The following GEMIN2 variants were observed in gnomAD, a reference collection of about 807,000 sequenced individuals.
The protein encoded by GEMIN2 is gem nuclear organelle associated protein 2.
GEMIN2 carries 37 observed loss-of-function variants against 45.8 expected under a neutral mutation model. That is an observed-to-expected ratio of 0.81 (90% confidence interval 0.62 to 1.06). The LOEUF is 1.06. Ranked by LOEUF, GEMIN2 falls within the 50% of genes least tolerant of loss-of-function variation. The probability of loss-of-function intolerance (pLI) is 0.00; values close to 1 mark genes in which losing one functional copy is unlikely to be tolerated. For missense variants in GEMIN2, 335 were observed against 321.8 expected, an observed-to-expected ratio of 1.04 and a Z score of -0.31; for synonymous variants, 101 against 111.5, an observed-to-expected ratio of 0.91 and a Z score of 0.60.
In GEMIN2 at chr14:39,129,977, G is replaced by C. The variant is rs190851387; in HGVS notation, c.600+1629G>C. 3.0e-3 allele frequency among the ~76,000 whole-genome samples: 337 copies of C among 112,316 alleles called. 6 individuals are homozygous for C. The highest frequency in any genetic ancestry group is 0.022 in the Admixed American group (162 of 7,300). The allele number at this position is 112,316 out of a possible 152,430, so 73.7% of individuals were successfully genotyped here. On this transcript the variant is annotated intron_variant, in intron 7 of 9. Transcript: ENST00000308317. ...TTTTTTTGAGATGGAGTCTCACTCT[G>C]TCACCCAGGCTGCAGTGCAGTGGTG...
intron 8 of GEMIN2, among the ~76,000 whole-genome samples, chr14:39,133,167 CA>C (rs2052742067): frequency 1.2e-5 from 1 of 82,224 alleles, no homozygotes; most frequent in East Asian, 4.6e-4. Context: ...TATATCCTCA[CA>C]TATATTGTAT....
intron 9 of GEMIN2, 106 bp from the exon 10 acceptor site, chr14:39,136,334 C>T: frequency 1.5e-6 from 1 of 666,890 alleles, no homozygotes; most frequent in Admixed American, 2.5e-5. Flanking sequence ...CTTATTTAAC[C>T]AGTTTCTTAT....
chr14:39,131,998 CTT>C lies in GEMIN2; in HGVS notation c.643_644del (p.Leu215ValfsTer3). Reference sequence around the variant, plus strand: ...GCTTTATTGGCTTGTCTTGAAAAGCCTTTGTTACCTGAGGCTCATTCACTGAT... The same window carrying C: ...GCTTTATTGGCTTGTCTTGAAAAGCCTGTTACCTGAGGCTCATTCACTGAT... On this transcript the variant is annotated frameshift_variant, in exon 8 of 10. Coordinates refer to ENST00000308317, the MANE Select transcript of GEMIN2 (RefSeq NM_003616.3). LOFTEE classifies it high-confidence loss of function. The C allele has an allele frequency of 1.2e-6, 2 of 1,605,512 alleles. No individual in the cohort carries two copies. Among genetic ancestry groups the C allele is most frequent in the African/African-American group, 1.3e-5 (1 of 74,732 alleles).
intron 7 of GEMIN2, among the ~76,000 whole-genome samples, chr14:39,130,495 C>T (rs1248794963): frequency 6.6e-6 from 1 of 152,048 alleles, no homozygotes; most frequent in Admixed American, 6.6e-5. Flanking sequence ...ATTTTACTTG[C>T]AATACTTAAT....
At chr14:39,114,521 C>T in intron 1 of GEMIN2, 46 bp downstream of exon 1, 3 of 1,430,072 alleles carry the variant, frequency 2.1e-6, no homozygotes, top group East Asian at 2.3e-5. Context: ...TCTGCCCTGC[C>T]CCTGGGTACA....
intron 4 of GEMIN2, among the ~76,000 whole-genome samples, chr14:39,121,225 G>A (rs1236448795): frequency 6.6e-6 from 1 of 152,060 alleles, no homozygotes; most frequent in Non-Finnish European, 1.5e-5. Context: ...GTCCACTAAA[G>A]TCTTGTCCAA....
rs184945605 is a variant in GEMIN2, at chr14:39,122,927, A to G, written c.486+384A>G. 1.7e-3 allele frequency among the ~76,000 whole-genome samples: 262 copies of G among 152,252 alleles called. 1 individual carries two copies. The highest frequency in any genetic ancestry group is 3.4e-3 in the Middle Eastern group (1 of 294). On this transcript the variant is annotated intron_variant, in intron 5 of 9. Coordinates refer to ENST00000308317, the MANE Select transcript of GEMIN2 (RefSeq NM_003616.3). The stretch of plus-strand genomic sequence containing the variant: ...TCATTTTATGAGTTGGATAAGATTC[A>G]TAGTTTTTTTAAATGATGAGGCATC...
intron 9 of GEMIN2, chr14:39,133,976 C>G (rs1341130169): frequency 4.5e-6 from 1 of 223,088 alleles, no homozygotes; most frequent in African/African-American, 2.3e-5. Flanking sequence ...AAAAATTGTT[C>G]GTAGAGACAG....
intron 1 of GEMIN2, 87 bp from the exon 2 acceptor site, chr14:39,114,738 CAATG>C (rs1883811461): frequency 1.3e-6 from 1 of 777,720 alleles, no homozygotes; most frequent in Non-Finnish European, 2.2e-6. Context: ...TCTGATTTCA[CAATG>C]AACTGTGGAA....
chr14:39,128,243 A>T, intron 6 of GEMIN2, 37 bp from the exon 7 acceptor site: 1 of 1,106,276 alleles, frequency 9.0e-7, no homozygotes, highest in Non-Finnish European at 1.3e-6. Context: ...TTTTATTATT[A>T]ATACAACTCT....
intron 7 of GEMIN2, 137 bp downstream of exon 7, chr14:39,128,485 C>CTTTTTTTTTTTTCT (rs2052675068): frequency 7.2e-6 from 1 of 138,462 alleles, no homozygotes; most frequent in Non-Finnish European, 1.2e-5. Flanking sequence ...TTTTTCTTTT[C>CTTTTTTTTTTTTCT]TTTTTTTTTT....
chr14:39,129,094 G>C (rs550964632), intron 7 of GEMIN2, among the ~76,000 whole-genome samples: 1 of 152,282 alleles, frequency 6.6e-6, no homozygotes, highest in East Asian at 1.9e-4. Flanking sequence ...CTGCACTCTA[G>C]CCTGAGTGAC....
At chr14:39,134,946 C>T (rs1357926332) in intron 9 of GEMIN2, among the ~76,000 whole-genome samples, 3 of 152,184 alleles carry the variant, frequency 2.0e-5, no homozygotes, top group African/African-American at 7.2e-5. Flanking sequence ...TATCTCTACT[C>T]TTTACAATAG....
At chr14:39,115,010 G>C in intron 2 of GEMIN2, 97 bp downstream of exon 2, 1 of 695,790 alleles carries the variant, frequency 1.4e-6, no homozygotes, top group South Asian at 1.6e-5. Context: ...TATGACGTAA[G>C]ATTTGACTAC....
chr14:39,128,797 G>T (rs72673329), intron 7 of GEMIN2, among the ~76,000 whole-genome samples: 12,115 of 151,988 alleles, frequency 0.08, 516 homozygotes, highest in African/African-American at 0.11. Flanking sequence ...GCCACCATGT[G>T]TGCGGCCTTT....
At chr14:39,127,015 A>G (rs56163817) in intron 6 of GEMIN2, among the ~76,000 whole-genome samples, 140,539 of 151,658 alleles carry the variant, frequency 0.93, 65,204 homozygotes, top group East Asian at 0.95. Flanking sequence ...CACCCGCCTC[A>G]GCCTCCCAAA....
rs1383473417 is a variant in GEMIN2 at position 39,125,050 on chromosome 14, TAG to T, written c.531+18_531+19del. 2 of 1,190,946 alleles carry T rather than the reference TAG, an allele frequency of 1.7e-6. No individual in the cohort carries two copies. The highest frequency in any genetic ancestry group is 3.0e-5 in the African/African-American group (2 of 66,644). 73.8% of individuals were successfully genotyped at this position (1,190,946 alleles called of 1,614,324 possible). On this transcript the variant is annotated intron_variant, in intron 6 of 9. Coordinates refer to ENST00000308317, the MANE Select transcript of GEMIN2 (RefSeq NM_003616.3). The stretch of plus-strand genomic sequence containing the variant: ...AGAATGAATCAGGTAAAATTAATAA[TAG>T]AGATATATGCATTCTTTTGTTTGCA...
chr14:39,136,804 ATTTAC>A lies in GEMIN2; in HGVS notation c.*328_*332del, dbSNP rs2052787401. The A allele has an allele frequency of 1.3e-5, 3 of 224,194 alleles. No individual in the cohort carries two copies. The highest frequency in any genetic ancestry group is 1.1e-4 in the South Asian group (1 of 8,926). 13.9% of individuals were successfully genotyped at this position (224,194 alleles called of 1,614,324 possible). A position where few individuals can be genotyped will look rare whatever the true frequency, so the allele number is the denominator to read the frequency against. ...TTTTTTTGTTTTTTGTTGTTTTGTT[ATTTAC>A]TTATATACATATAAAATTTTATTGA... On this transcript the variant is annotated 3_prime_UTR_variant, in exon 10 of 10. Transcript: ENST00000308317.
In GEMIN2 at chr14:39,114,337, C is replaced by T. The variant is rs768914162; in HGVS notation, c.-2C>T. The T allele has an allele frequency of 6.8e-6, 11 of 1,613,830 alleles. No homozygotes were observed. Among genetic ancestry groups the T allele is most frequent in the Middle Eastern group, 1.7e-4 (1 of 6,054 alleles). On this transcript the variant is annotated 5_prime_UTR_variant, in exon 1 of 10. Transcript: ENST00000308317. ...CGAGCGGAACTGGCTGGTTTGAAAACCATGGCGTGGGTACCAGCGGAGTCC... is the reference window on the plus strand; with the variant it reads ...CGAGCGGAACTGGCTGGTTTGAAAATCATGGCGTGGGTACCAGCGGAGTCC...
Sources: gnomAD v4.1 joint callset for allele counts (sites outside exome capture counted in the v4.1 genomes callset) on GRCh38, gnomAD v4.1.1 for gene constraint, MANE v1.5 for transcripts, NCBI Gene and HGNC (gene_info 2026-07-23, HGNC 2026-07-21) for gene names.